Variants in TFDP2 observed in about 807,000 individuals in gnomAD.
TFDP2 encodes the protein transcription factor Dp-2.
A neutral mutation model predicts 59.3 loss-of-function variants in TFDP2; 17 were observed. The observed-to-expected ratio is 0.29, with a 90% CI of 0.20 to 0.43. TFDP2 has a LOEUF of 0.43. Ranked by LOEUF, TFDP2 falls within the 20% of genes least tolerant of loss-of-function variation. The pLI is 1.00. For missense variants in TFDP2, 391 were observed against 528.8 expected (o/e 0.74, Z 2.56); for synonymous variants, 180 against 194.7 (o/e 0.92, Z 0.63).
Position 142,132,528 on chromosome 3 carries a change from G to A in TFDP2, c.-93+16655C>T, listed in dbSNP as rs572202438. On this transcript the variant is annotated intron_variant, in intron 1 of 12. Coordinates refer to ENST00000489671, the MANE Select transcript of TFDP2 (RefSeq NM_001178139.2). ...TGAGAGGCTGAGGTGGGCAGATCAC[G>A]AGGTCAGGAGATCAAGACCATCCTG... Among the ~76,000 whole-genome samples the A allele has an allele frequency of 2.4e-4, 36 of 149,608 alleles. 3 individuals carry two copies. The highest frequency in any genetic ancestry group is 7.1e-4 in the African/African-American group (28 of 39,316).
intron 9 of TFDP2, among the ~76,000 whole-genome samples, chr3:141,969,001 C>T (rs1298359496): frequency 1.3e-5 from 1 of 79,094 alleles, no homozygotes; most frequent in African/African-American, 7.0e-5. Context: ...ACATATATCT[C>T]ATATATATAG....
rs758538860 is a variant in TFDP2 at position 141,946,724 on chromosome 3, ATTT to A, written c.*5786_*5788del. The A allele has an allele frequency of 5.9e-5, 9 of 152,056 alleles. No homozygotes were observed. Among genetic ancestry groups the A allele is most frequent in the African/African-American group, 2.2e-4 (9 of 41,414 alleles). The allele number at this position is 152,056 out of a possible 1,614,324, so 9.4% of individuals were successfully genotyped here. A position where few individuals can be genotyped will look rare whatever the true frequency, so the allele number is the denominator to read the frequency against. The stretch of plus-strand genomic sequence containing the variant: ...TAATTTATGTGGGTATTGAGCTTGA[ATTT>A]TTTTTAATCATAAAATCTTAGGCTG... On this transcript the variant is annotated 3_prime_UTR_variant, in exon 13 of 13. Coordinates refer to ENST00000489671, the MANE Select transcript of TFDP2 (RefSeq NM_001178139.2).
intron 11 of TFDP2, among the ~76,000 whole-genome samples, chr3:141,956,028 G>A (rs1370747815): frequency 6.6e-6 from 1 of 152,076 alleles, no homozygotes; most frequent in Non-Finnish European, 1.5e-5. Flanking sequence ...GCCTGGTCTT[G>A]AACTCCTAAC....
chr3:142,122,065 G>A (rs547960416), intron 1 of TFDP2, among the ~76,000 whole-genome samples: 2 of 152,228 alleles, frequency 1.3e-5, no homozygotes, highest in Non-Finnish European at 2.9e-5. Context: ...ACTTTGGTAG[G>A]AAGTCAGCAT....
intron 1 of TFDP2, among the ~76,000 whole-genome samples, chr3:142,114,337 TTAAAG>T (rs1465812278): frequency 1.3e-5 from 2 of 152,202 alleles, no homozygotes; most frequent in African/African-American, 4.8e-5. Context: ...AGTTTTCATT[TTAAAG>T]TAATTTAAGG....
At chr3:142,146,748 T>C (rs73236049) in intron 1 of TFDP2, among the ~76,000 whole-genome samples, 12,757 of 152,178 alleles carry the variant, frequency 0.084, 657 homozygotes, top group Middle Eastern at 0.13. Flanking sequence ...AAGTGGGCTA[T>C]GAGTTCTGTG....
At chr3:142,055,931 T>C (rs2059723710) in intron 3 of TFDP2, among the ~76,000 whole-genome samples, 2 of 150,102 alleles carry the variant, frequency 1.3e-5, no homozygotes, top group Non-Finnish European at 3.0e-5. Context: ...CACATGCATT[T>C]ATTAAGTACC....
intron 8 of TFDP2, among the ~76,000 whole-genome samples, chr3:141,971,573 T>C (rs890786114): frequency 5.3e-5 from 8 of 151,492 alleles, no homozygotes; most frequent in African/African-American, 1.9e-4. Flanking sequence ...AGAAAATTTA[T>C]AGGAGCCCAT....
rs1231371146 is a variant in TFDP2, at chr3:141,952,052, C to G, written c.*461G>C. On this transcript the variant is annotated 3_prime_UTR_variant, in exon 13 of 13. Transcript: ENST00000489671. ...ATCCCTCACTACACAGCTCCCCTCT[C>G]CTGGGGACTTTTCATGTTCATTTCT... is the stretch of plus-strand genomic sequence containing the variant. 6.5e-6 allele frequency: 1 copy of G among 153,812 alleles called. No homozygotes were observed. The highest frequency in any genetic ancestry group is 1.4e-5 in the Non-Finnish European group (1 of 68,984). 9.5% of individuals were successfully genotyped at this position (153,812 alleles called of 1,614,324 possible).
At chr3:142,021,039 C>T (rs980453802) in intron 3 of TFDP2, among the ~76,000 whole-genome samples, 1 of 152,014 alleles carries the variant, frequency 6.6e-6, no homozygotes, top group Non-Finnish European at 1.5e-5. Context: ...CCTACCTGCA[C>T]ATGCACATTA....
rs140284059 is a variant in TFDP2, at chr3:142,008,564, G to A, written c.83-3020C>T. ...GGCTTTGTTATACACCTTTCCTTCT[G>A]CTGAGAAGGCCCTTCTCTACTGAGC... On this transcript the variant is annotated intron_variant, in intron 3 of 12. Transcript: ENST00000489671. Among the ~76,000 whole-genome samples, 322 of 152,074 alleles carry A rather than the reference G, an allele frequency of 2.1e-3. 1 individual carries two copies. Among genetic ancestry groups the A allele is most frequent in the African/African-American group, 7.4e-3 (307 of 41,466 alleles).
chr3:142,051,681 A>G (rs944909642), intron 3 of TFDP2, among the ~76,000 whole-genome samples: 1 of 152,210 alleles, frequency 6.6e-6, no homozygotes, highest in Admixed American at 6.5e-5. Flanking sequence ...CAGATCCTCA[A>G]TTACATAGTC....
Position 141,968,877 on chromosome 3 carries a change from T to TG in TFDP2, c.732+1195_732+1196insC, listed in dbSNP as rs1334649772. On this transcript the variant is annotated intron_variant, in intron 9 of 12. Transcript: ENST00000489671. ...ATATAACATATATATCTCATATATA[T>TG]AGATATATATAACACATATATATCT... Among the ~76,000 whole-genome samples the TG allele has an allele frequency of 9.0e-5, 8 of 89,194 alleles. 1 individual carries two copies. The East Asian group carries it at 1.4e-3, about 16-fold the overall frequency. 58.5% of individuals were successfully genotyped at this position (89,194 alleles called of 152,430 possible). A position where few individuals can be genotyped will look rare whatever the true frequency, so the allele number is the denominator to read the frequency against.
At chr3:141,985,532 A>AAC (rs1553766362) in intron 6 of TFDP2, among the ~76,000 whole-genome samples, 20 of 150,618 alleles carry the variant, frequency 1.3e-4, no homozygotes, top group Non-Finnish European at 2.4e-4. Context: ...AAAAAAAAAA[A>AAC]AAAAAAAAAA....
At chr3:142,059,558 A>G (rs1224609837) in intron 3 of TFDP2, among the ~76,000 whole-genome samples, 1 of 152,140 alleles carries the variant, frequency 6.6e-6, no homozygotes, top group Admixed American at 6.6e-5. Flanking sequence ...CTATTGAGAC[A>G]TAGTGTCACC....
At chr3:142,147,982 T>C (rs1436382006) in intron 1 of TFDP2, among the ~76,000 whole-genome samples, 1 of 152,108 alleles carries the variant, frequency 6.6e-6, no homozygotes, top group African/African-American at 2.4e-5. Flanking sequence ...TTATATCTAC[T>C]TTTAAAGAGA....
At chr3:142,044,542 G>T (rs202135143) in intron 3 of TFDP2, among the ~76,000 whole-genome samples, 1 of 151,158 alleles carries the variant, frequency 6.6e-6, no homozygotes, top group Admixed American at 6.6e-5. Flanking sequence ...CCTAATTTTT[G>T]TATTTTTTAG....
In TFDP2 at chr3:141,952,702, A is replaced by G; in HGVS notation, c.1158-6T>C. ...AGCATAACCCTTGGTTTACACTAGC[A>G]AACAATTAAAAACACACAGGCTCAT... On this transcript the variant is annotated splice_polypyrimidine_tract_variant and splice_region_variant and intron_variant, in intron 12 of 12. Transcript: ENST00000489671. 1 of 1,608,342 alleles carries G rather than the reference A, an allele frequency of 6.2e-7. No homozygotes were observed. Among genetic ancestry groups the G allele is most frequent in the Non-Finnish European group, 8.5e-7 (1 of 1,178,744 alleles).
intron 3 of TFDP2, among the ~76,000 whole-genome samples, chr3:142,044,906 G>C (rs374437990): frequency 5.9e-5 from 9 of 152,144 alleles, no homozygotes; most frequent in African/African-American, 1.9e-4. Context: ...ATTCATGAAG[G>C]CTTTAATATA....
Sources: allele counts gnomAD v4.1 joint callset (sites outside exome capture counted in the v4.1 genomes callset), GRCh38; gene constraint gnomAD v4.1.1; transcripts MANE v1.5; gene names NCBI Gene and HGNC (gene_info 2026-07-23, HGNC 2026-07-21).